Variants in GOLGA8B observed in about 807,000 individuals in gnomAD.
GOLGA8B encodes the protein golgin subfamily A member 8B.
Under a neutral mutation model 15.6 loss-of-function variants are expected in GOLGA8B, and 1 was observed. The ratio of observed to expected loss-of-function variants is 0.06; its 90% CI spans 0.02 to 0.30. The LOEUF is 0.30. Ranked by LOEUF, GOLGA8B falls within the 10% of genes least tolerant of loss-of-function variation. The pLI, the probability that GOLGA8B is intolerant of heterozygous loss-of-function variation, is 1.00. For synonymous variants in GOLGA8B, 9 were observed against 80.3 expected (o/e 0.11, Z 4.75); for missense variants, 17 against 201.3 (o/e 0.08, Z 5.54).
chr15:34,575,179 TC>T (rs1465925758), intron 1 of GOLGA8B, among the ~76,000 whole-genome samples: 1 of 149,924 alleles, frequency 6.7e-6, no homozygotes, highest in Non-Finnish European at 1.5e-5. Flanking sequence ...AGCTGCCACC[TC>T]CTATAGAACC....
At chr15:34,580,888 T>A (rs956939579) in intron 1 of GOLGA8B, among the ~76,000 whole-genome samples, 1 of 152,028 alleles carries the variant, frequency 6.6e-6, no homozygotes, top group African/African-American at 2.4e-5. Context: ...CCTACCTGTG[T>A]CTCCATGTTC....
rs763377289 is a variant in GOLGA8B at position 34,579,742 on chromosome 15, G to C, written c.-1123+3774C>G. Among the ~76,000 whole-genome samples the C allele has an allele frequency of 1.7e-4, 26 of 152,254 alleles. 1 individual carries two copies. The highest frequency in any genetic ancestry group is 2.6e-4 in the African/African-American group (11 of 41,538). ...GGGACTCGGGAAAAGGAGGCACAGG[G>C]AGCAGGACATGTGCTGCAAGGAGAC... On this transcript the variant is annotated intron_variant, in intron 1 of 23. Transcript: ENST00000683415.
chr15:34,581,311 GCCACCGCGGCCCA>G (rs1359676180), intron 1 of GOLGA8B, among the ~76,000 whole-genome samples: 17 of 152,196 alleles, frequency 1.1e-4, no homozygotes, highest in African/African-American at 3.9e-4. Context: ...CCTCACTGCA[GCCACCGCGGCCCA>G]ATCCAAACAA....
chr15:34,576,765 G>A (rs1230181986), intron 1 of GOLGA8B, among the ~76,000 whole-genome samples: 7 of 152,128 alleles, frequency 4.6e-5, no homozygotes, highest in Non-Finnish European at 7.4e-5. Context: ...GGCCAAAATC[G>A]GTCCATTCAT....
chr15:34,568,936 C>T (rs1345467406), intron 1 of GOLGA8B, among the ~76,000 whole-genome samples: 2 of 147,642 alleles, frequency 1.4e-5, no homozygotes, highest in Non-Finnish European at 2.9e-5. Context: ...CGCGCTCGTG[C>T]GCTTGTGCGC....
At chr15:34,569,915 T>C (rs988081123) in intron 1 of GOLGA8B, among the ~76,000 whole-genome samples, 2 of 152,040 alleles carry the variant, frequency 1.3e-5, no homozygotes, top group South Asian at 2.1e-4. Flanking sequence ...CCTGGGGCCA[T>C]GGGTCCCAGT....
chr15:34,558,250 GTTTT>G (rs34414203), intron 1 of GOLGA8B, among the ~76,000 whole-genome samples: 5 of 25,288 alleles, frequency 2.0e-4, no homozygotes, highest in African/African-American at 3.1e-4. Context: ...CTGGTCCTGG[GTTTT>G]TTTTTTTTTT....
intron 1 of GOLGA8B, among the ~76,000 whole-genome samples, chr15:34,554,238 T>TG (rs1407809379): frequency 5.9e-5 from 9 of 152,206 alleles, no homozygotes; most frequent in African/African-American, 2.2e-4. Flanking sequence ...GGTCCTGAGC[T>TG]GCCAGGGGCC....
intron 1 of GOLGA8B, among the ~76,000 whole-genome samples, chr15:34,564,580 A>C (rs1041261659): frequency 1.4e-5 from 2 of 146,590 alleles, no homozygotes; most frequent in African/African-American, 4.9e-5. Context: ...CAGGCTCTGA[A>C]GCTTTGCATT....
intron 1 of GOLGA8B, among the ~76,000 whole-genome samples, chr15:34,582,381 A>G (rs538297673): frequency 6.6e-6 from 1 of 152,344 alleles, no homozygotes; most frequent in East Asian, 1.9e-4. Flanking sequence ...CTCAACGAGG[A>G]AGAAAATAGA....
intron 1 of GOLGA8B, among the ~76,000 whole-genome samples, chr15:34,577,480 C>G (rs1407549081): frequency 3.4e-5 from 5 of 146,962 alleles, no homozygotes; most frequent in Non-Finnish European, 6.0e-5. Flanking sequence ...AATGCCAAAC[C>G]AACCAAATGA....
At chr15:34,582,336 C>T (rs113672643) in intron 1 of GOLGA8B, among the ~76,000 whole-genome samples, 224 of 152,328 alleles carry the variant, frequency 1.5e-3, no homozygotes, top group African/African-American at 5.1e-3. Context: ...ACCTGCAAAG[C>T]TCTCAGATCA....
intron 1 of GOLGA8B, among the ~76,000 whole-genome samples, chr15:34,565,022 G>A (rs1203080985): frequency 6.9e-6 from 1 of 144,242 alleles, no homozygotes; most frequent in East Asian, 1.9e-4. Flanking sequence ...GCTGAGAGCC[G>A]GGTGGGTGGC....
chr15:34,564,562 G>A (rs1291512160), intron 1 of GOLGA8B, among the ~76,000 whole-genome samples: 1 of 146,778 alleles, frequency 6.8e-6, no homozygotes, highest in East Asian at 1.9e-4. Flanking sequence ...TATAATTTTA[G>A]ATGTTTTCAG....
intron 1 of GOLGA8B, among the ~76,000 whole-genome samples, chr15:34,572,601 T>A (rs546411466): frequency 6.6e-6 from 1 of 152,198 alleles, no homozygotes; most frequent in Non-Finnish European, 1.5e-5. Context: ...AAGTAAAATA[T>A]GTTCACAGAC....
intron 1 of GOLGA8B, chr15:34,582,871 AG>A (rs1025510875): frequency 6.6e-6 from 1 of 152,134 alleles, no homozygotes; most frequent in African/African-American, 2.4e-5. Flanking sequence ...GGCCTGGAGA[AG>A]GGGCCCTGCC....
In GOLGA8B at chr15:34,558,709, C is replaced by G. The variant is rs376603318; in HGVS notation, c.-1122-4753G>C. On this transcript the variant is annotated intron_variant, in intron 1 of 23. Transcript: ENST00000683415. ...GTGGGGAGACATCACTCCCCAAGAG[C>G]TGCTCGGGTGCGACATCAGGGTGGA... Among the ~76,000 whole-genome samples, 14 of 90,772 alleles carry G rather than the reference C, an allele frequency of 1.5e-4. 6 individuals carry two copies. Among genetic ancestry groups the G allele is most frequent in the African/African-American group, 7.7e-4 (14 of 18,288 alleles). 59.5% of individuals were successfully genotyped at this position (90,772 alleles called of 152,430 possible).
rs534430085 is a variant in GOLGA8B at position 34,568,960 on chromosome 15, C to T, written c.-1123+14556G>A. Among the ~76,000 whole-genome samples, 186 of 148,846 alleles carry T rather than the reference C, an allele frequency of 1.2e-3. 7 individuals are homozygous for T. Among genetic ancestry groups the T allele is most frequent in the African/African-American group, 4.3e-3 (168 of 38,858 alleles). On this transcript the variant is annotated intron_variant, in intron 1 of 23. Coordinates refer to ENST00000683415, the MANE Select transcript of GOLGA8B (RefSeq NM_001023567.5). ...GCGCTTGTGCGCTCTCTCTCGCTCT[C>T]GCTCTCTCTCTCATGCTGATTCTGC...
At chr15:34,571,186 C>T (rs1302580648) in intron 1 of GOLGA8B, among the ~76,000 whole-genome samples, 1 of 151,962 alleles carries the variant, frequency 6.6e-6, no homozygotes. Flanking sequence ...ATTAGCCAGG[C>T]GTGGTGGACC....
Sources: gnomAD v4.1 joint callset for allele counts (sites outside exome capture counted in the v4.1 genomes callset) on GRCh38, gnomAD v4.1.1 for gene constraint, MANE v1.5 for transcripts, NCBI Gene and HGNC (gene_info 2026-07-23, HGNC 2026-07-21) for gene names.